Variants in OR3A2 observed in about 807,000 individuals in gnomAD.
OR3A2 encodes the protein olfactory receptor family 3 subfamily A member 2, also known as olfactory receptor 3A2.
For synonymous variants in OR3A2, 126 were observed against 159.3 expected (o/e 0.79, Z 1.57); for missense variants, 318 against 392.8 (o/e 0.81, Z 1.61).
intron 2 of OR3A2, among the ~76,000 whole-genome samples, chr17:3,382,433 G>C (rs115565481): frequency 0.017 from 2,514 of 152,284 alleles, 72 homozygotes; most frequent in African/African-American, 0.057. Flanking sequence ...GGGCTGAGAT[G>C]GATGACAACA....
intron 3 of OR3A2, among the ~76,000 whole-genome samples, chr17:3,329,989 C>T (rs1408851399): frequency 2.0e-5 from 3 of 146,462 alleles, no homozygotes; most frequent in Non-Finnish European, 4.4e-5. Flanking sequence ...CATTCAGGAG[C>T]AGGTTGTTCA....
intron 1 of OR3A2, among the ~76,000 whole-genome samples, chr17:3,280,704 T>C (rs1719908236): frequency 6.6e-6 from 1 of 152,114 alleles, no homozygotes; most frequent in African/African-American, 2.4e-5. Flanking sequence ...AATCAGAGGA[T>C]GGGAAGCAGC....
intron 2 of OR3A2, among the ~76,000 whole-genome samples, chr17:3,336,510 G>T (rs1287534439): frequency 6.6e-6 from 1 of 152,002 alleles, no homozygotes; most frequent in Non-Finnish European, 1.5e-5. Flanking sequence ...TTAAATAAAA[G>T]AATTTCAAAT....
At chr17:3,358,645 TTTGGTA>T (rs2049482608) in intron 2 of OR3A2, among the ~76,000 whole-genome samples, 1 of 151,770 alleles carries the variant, frequency 6.6e-6, no homozygotes, top group Non-Finnish European at 1.5e-5. Flanking sequence ...TGAGAGTATG[TTTGGTA>T]TGGTTTTGGT....
intron 2 of OR3A2, among the ~76,000 whole-genome samples, chr17:3,360,408 G>C (rs1471378907): frequency 6.6e-6 from 1 of 151,484 alleles, no homozygotes; most frequent in African/African-American, 2.5e-5. Flanking sequence ...CTGTGCAGAA[G>C]CTCTTTAGTT....
At chr17:3,385,769 T>G (rs1471942014) in intron 1 of OR3A2, among the ~76,000 whole-genome samples, 2 of 152,188 alleles carry the variant, frequency 1.3e-5, no homozygotes, top group Admixed American at 1.3e-4. Context: ...ATGAGCAACG[T>G]GATTTTCAAT....
chr17:3,320,429 T>C (rs1324154296), intron 3 of OR3A2, among the ~76,000 whole-genome samples: 1 of 139,194 alleles, frequency 7.2e-6, no homozygotes, highest in Non-Finnish European at 1.6e-5. Flanking sequence ...TTGCTTTTGG[T>C]GTTTTAGACA....
At chr17:3,370,488 T>A (rs2049604079) in intron 2 of OR3A2, among the ~76,000 whole-genome samples, 1 of 152,200 alleles carries the variant, frequency 6.6e-6, no homozygotes, top group Non-Finnish European at 1.5e-5. Flanking sequence ...TTTGTTTCAT[T>A]TATCTTTTGT....
In OR3A2 at chr17:3,310,791, A is replaced by C. The variant is rs756885758; in HGVS notation, c.-85+25242T>G. 7 of 636,702 alleles carry C rather than the reference A, an allele frequency of 1.1e-5. No homozygotes were observed. The Admixed American group carries it at 1.3e-4, about 12-fold the overall frequency. The allele number at this position is 636,702 out of a possible 1,614,324, so 39.4% of individuals were successfully genotyped here. On this transcript the variant is annotated intron_variant, in intron 3 of 4. Transcript: ENST00000573491. ...TGTCTTTTCCTTCACCAATGCACTG[A>C]CCCAAACTGTTGCCCTGTCTCCTCT...
In OR3A2 at chr17:3,278,394, T is replaced by C. The variant is rs138102640; in HGVS notation, c.524A>G (p.Asn175Ser). Residue 175 changes from asparagine to serine, a missense_variant, in exon 2 of 2, where the codon AAT (asparagine) becomes AGT (serine). Coordinates refer to ENST00000642052, the Ensembl canonical transcript of OR3A2. ...GTCACAGTAGAAGTGATTGACCTCA[T>C]TGGGGCCACAGAAGTTGAGCGTGGA... The C allele has an allele frequency of 2.3e-4, 376 of 1,614,136 alleles. No homozygotes were observed. In the African/African-American group the frequency reaches 3.7e-3, roughly 16 times the overall value.
chr17:3,308,454 A>AC (rs2049014785), intron 3 of OR3A2, among the ~76,000 whole-genome samples: 1 of 151,870 alleles, frequency 6.6e-6, no homozygotes, highest in Non-Finnish European at 1.5e-5. Flanking sequence ...AATGAAGTTC[A>AC]CCCTCTGGGC....
intron 1 of OR3A2, chr17:3,279,144 G>T (rs2150615568): frequency 2.8e-6 from 2 of 704,718 alleles, no homozygotes; most frequent in East Asian, 2.7e-5. Context: ...AGCTGAAAAG[G>T]TCAGAATACC....
At chr17:3,334,306 C>T (rs2150644091) in intron 3 of OR3A2, among the ~76,000 whole-genome samples, 1 of 152,300 alleles carries the variant, frequency 6.6e-6, no homozygotes, top group East Asian at 1.9e-4. Context: ...CTGCCTTCCA[C>T]CTACCATTCC....
intron 3 of OR3A2, among the ~76,000 whole-genome samples, chr17:3,295,182 G>A (rs772624061): frequency 6.6e-6 from 1 of 152,078 alleles, no homozygotes; most frequent in East Asian, 1.9e-4. Flanking sequence ...ATAGGAGGAC[G>A]TATGTGTTGA....
intron 1 of OR3A2, among the ~76,000 whole-genome samples, chr17:3,282,874 C>T (rs1292968059): frequency 6.6e-6 from 1 of 152,214 alleles, no homozygotes; most frequent in Non-Finnish European, 1.5e-5. Context: ...CTGTTTTCCC[C>T]ACCTGCAATG....
intron 2 of OR3A2, among the ~76,000 whole-genome samples, chr17:3,345,646 G>A (rs1432120988): frequency 6.6e-6 from 1 of 152,040 alleles, no homozygotes; most frequent in Non-Finnish European, 1.5e-5. Flanking sequence ...TTTAAGTTGA[G>A]AAAGTCTCCC....
In OR3A2 at chr17:3,358,382, A is replaced by G. The variant is rs113761192; in HGVS notation, c.-178-22256T>C. ...CTTGTGAAGTTATGTTGTTAATTTG[A>G]TATCTTTTTAACTTTTTGATGTGGG... On this transcript the variant is annotated intron_variant, in intron 2 of 4. Transcript: ENST00000573491. Among the ~76,000 whole-genome samples, 1,412 of 151,464 alleles carry G rather than the reference A, an allele frequency of 9.3e-3. 67 individuals carry two copies. Among genetic ancestry groups the G allele is most frequent in the African/African-American group, 0.032 (1,325 of 40,934 alleles).
intron 1 of OR3A2, among the ~76,000 whole-genome samples, chr17:3,282,260 G>C (rs1323487783): frequency 1.3e-5 from 2 of 152,154 alleles, no homozygotes; most frequent in Non-Finnish European, 2.9e-5. Flanking sequence ...CAAAAAATTA[G>C]CCAGGTGTGG....
At chr17:3,341,322 A>G (rs2049316522) in intron 2 of OR3A2, among the ~76,000 whole-genome samples, 1 of 152,074 alleles carries the variant, frequency 6.6e-6, no homozygotes, top group African/African-American at 2.4e-5. Context: ...TTAGCTGGTG[A>G]TTTTGCCCGT....
Sources: gnomAD v4.1 joint callset for allele counts (sites outside exome capture counted in the v4.1 genomes callset) on GRCh38, gnomAD v4.1.1 for gene constraint, MANE v1.5 for transcripts, NCBI Gene and HGNC (gene_info 2026-07-23, HGNC 2026-07-21) for gene names.